The following FGF13 variants were observed in gnomAD, a reference collection of about 807,000 sequenced individuals.
The protein encoded by FGF13 is fibroblast growth factor homologous factor 2.
Under a neutral mutation model 19.5 loss-of-function variants are expected in FGF13, and 2 were observed. That is an observed-to-expected ratio of 0.10 (90% CI 0.04 to 0.32). The LOEUF (loss-of-function observed/expected upper bound fraction) is 0.32. Ranked by LOEUF, FGF13 falls within the 10% of genes least tolerant of loss-of-function variation. FGF13 has a pLI of 1.00. For missense variants in FGF13, 113 were observed against 192.7 expected (o/e 0.59, Z 2.45); for synonymous variants, 72 against 76.9 (o/e 0.94, Z 0.33).
intron 1 of FGF13, among the ~76,000 whole-genome samples, chrX:138,992,056 A>T (rs2092018342): frequency 9.0e-6 from 1 of 111,573 alleles, no homozygotes; most frequent in African/African-American, 3.3e-5. Flanking sequence ...AAGTGAGCTT[A>T]GGCATTTTTC....
chrX:138,717,368 T>C (rs1361310884), intron 1 of FGF13, among the ~76,000 whole-genome samples: 4 of 112,258 alleles, frequency 3.6e-5, no homozygotes, highest in Non-Finnish European at 7.5e-5. Flanking sequence ...GATTGATTGC[T>C]GATTTTTCTT....
intron 3 of FGF13, among the ~76,000 whole-genome samples, chrX:138,816,140 T>A (rs1054804214): frequency 9.0e-6 from 1 of 111,541 alleles, no homozygotes; most frequent in African/African-American, 3.3e-5. Flanking sequence ...ATTCTTAAAA[T>A]TCAAGGGGAT....
rs1448421936 is a variant in FGF13 at position 138,615,420 on chromosome X, CT to C, written c.*17429del. ...AAAGATCAGTTGGAATATACACATG[CT>C]TATTCCTATAGTAGTGTTACTATAT... On this transcript the variant is annotated 3_prime_UTR_variant, in exon 5 of 5. Coordinates refer to ENST00000315930, the MANE Select transcript of FGF13 (RefSeq NM_004114.5). The C allele has an allele frequency of 9.0e-6, 1 of 111,501 alleles. No individual in the cohort carries two copies. The highest frequency in any genetic ancestry group is 3.3e-5 in the African/African-American group (1 of 30,672). 9.2% of individuals were successfully genotyped at this position (111,501 alleles called of 1,213,427 possible).
At chrX:138,911,156 C>A (rs893031704) in intron 1 of FGF13, among the ~76,000 whole-genome samples, 3 of 111,925 alleles carry the variant, frequency 2.7e-5, no homozygotes, top group African/African-American at 3.2e-5. Flanking sequence ...CCAGGGAAAT[C>A]TGAAAGTCTT....
chrX:138,883,742 T>C lies in FGF13; in HGVS notation c.-112-19092A>G, dbSNP rs773549484. On this transcript the variant is annotated intron_variant, in intron 1 of 2. Coordinates refer to the FGF13 transcript ENST00000421460. ...CAGCCACAATCCAGAATATCAGAGC[T>C]CACAGAACCACTCTGTGGGAATCAC... Among the ~76,000 whole-genome samples, 206 of 111,441 alleles carry C rather than the reference T, an allele frequency of 1.8e-3. 1 individual carries two copies. In the South Asian group the frequency reaches 0.026, roughly 14 times the overall value.
At chrX:139,056,835 G>A (rs945961953) in intron 1 of FGF13, among the ~76,000 whole-genome samples, 1 of 112,267 alleles carries the variant, frequency 8.9e-6, no homozygotes, top group African/African-American at 3.2e-5. Flanking sequence ...GCCTTCAATG[G>A]GAGGAGAGCT....
intron 1 of FGF13, among the ~76,000 whole-genome samples, chrX:139,020,761 T>C (rs1467227969): frequency 1.8e-5 from 2 of 111,876 alleles, no homozygotes; most frequent in Non-Finnish European, 3.8e-5. Context: ...TTTAGTTCTG[T>C]ACTATTCACT....
At chrX:138,823,916 T>C (rs1040684726) in intron 3 of FGF13, among the ~76,000 whole-genome samples, 12 of 112,117 alleles carry the variant, frequency 1.1e-4, no homozygotes, top group Admixed American at 7.6e-4. Flanking sequence ...AGTGAACCTG[T>C]AACTCATTTT....
chrX:138,658,939 G>A (rs985411987), intron 3 of FGF13, among the ~76,000 whole-genome samples: 1 of 111,248 alleles, frequency 9.0e-6, no homozygotes, highest in African/African-American at 3.3e-5. Flanking sequence ...AAAAACATTC[G>A]CCTCTATCAC....
chrX:139,030,014 C>A (rs2092220677), intron 1 of FGF13, among the ~76,000 whole-genome samples: 1 of 111,795 alleles, frequency 8.9e-6, no homozygotes, highest in Admixed American at 9.5e-5. Context: ...CCTATGTAAA[C>A]AAATAAGCAT....
At chrX:138,780,013 C>T (rs1322770948) in intron 3 of FGF13, among the ~76,000 whole-genome samples, 4 of 101,818 alleles carry the variant, frequency 3.9e-5, no homozygotes, top group African/African-American at 1.4e-4. Flanking sequence ...CAATATTCAA[C>T]ATTCTTAAAG....
downstream of FGF13, among the ~76,000 whole-genome samples, chrX:138,856,748 C>T (rs932397130): frequency 1.8e-5 from 2 of 111,668 alleles, no homozygotes; most frequent in Admixed American, 9.6e-5. Flanking sequence ...ATAAATTTAC[C>T]ACATTTTATT....
At chrX:138,957,908 G>C (rs756098127) in intron 1 of FGF13, among the ~76,000 whole-genome samples, 4 of 112,212 alleles carry the variant, frequency 3.6e-5, no homozygotes, top group African/African-American at 1.3e-4. Context: ...TTGCTTATCA[G>C]CTTAAGGAGA....
chrX:139,108,665 T>A (rs2083577267), intron 1 of FGF13, among the ~76,000 whole-genome samples: 1 of 110,622 alleles, frequency 9.0e-6, no homozygotes, highest in African/African-American at 3.3e-5. Context: ...TATATATATA[T>A]TTTTTTTAAT....
At chrX:139,122,784 T>G (rs1038357164) in intron 1 of FGF13, among the ~76,000 whole-genome samples, 3 of 111,487 alleles carry the variant, frequency 2.7e-5, no homozygotes, top group African/African-American at 9.8e-5. Context: ...CATTCTTGAC[T>G]CCTCCTTACT....
chrX:138,942,946 G>A (rs1490946343), intron 1 of FGF13, among the ~76,000 whole-genome samples: 1 of 111,259 alleles, frequency 9.0e-6, no homozygotes, highest in Non-Finnish European at 1.9e-5. Context: ...TTTTATTTGG[G>A]CCTGACAAAT....
intron 3 of FGF13, among the ~76,000 whole-genome samples, chrX:138,642,447 C>A (rs1156253875): frequency 9.0e-6 from 1 of 111,243 alleles, no homozygotes; most frequent in Non-Finnish European, 1.9e-5. Context: ...GCTGATCTTA[C>A]TGGTTGTTGT....
At chrX:138,720,018 A>G (rs1602744474) in intron 1 of FGF13, among the ~76,000 whole-genome samples, 1 of 112,778 alleles carries the variant, frequency 8.9e-6, no homozygotes, top group African/African-American at 3.2e-5. Flanking sequence ...TTCAACATTT[A>G]CTGATAACTG....
At chrX:138,777,455 G>A (rs2090596555) in intron 3 of FGF13, among the ~76,000 whole-genome samples, 1 of 111,909 alleles carries the variant, frequency 8.9e-6, no homozygotes, top group African/African-American at 3.3e-5. Flanking sequence ...TGCCCTGTAC[G>A]TGAAGCATTT....
Sources: allele counts gnomAD v4.1 joint callset (sites outside exome capture counted in the v4.1 genomes callset), GRCh38; gene constraint gnomAD v4.1.1; transcripts MANE v1.5; gene names NCBI Gene and HGNC (gene_info 2026-07-23, HGNC 2026-07-21).